HNRNPC: variants seen among roughly 807,000 people sequenced by gnomAD.
HNRNPC encodes the protein heterogeneous nuclear ribonucleoprotein C.
A neutral mutation model predicts 33.2 loss-of-function variants in HNRNPC; 3 were observed. The ratio of observed to expected loss-of-function variants is 0.09; its 90% CI spans 0.04 to 0.23. The LOEUF is 0.23. Ranked by LOEUF, HNRNPC falls within the 10% of genes least tolerant of loss-of-function variation. HNRNPC has a pLI of 1.00. For missense variants in HNRNPC, 143 were observed against 366.7 expected, an observed-to-expected ratio of 0.39 and a Z score of 4.98; for synonymous variants, 121 against 126.7, an observed-to-expected ratio of 0.96 and a Z score of 0.30.
intron 2 of HNRNPC, among the ~76,000 whole-genome samples, chr14:21,249,566 A>G (rs1361211168): frequency 6.7e-6 from 1 of 149,194 alleles, no homozygotes; most frequent in Non-Finnish European, 1.5e-5. Flanking sequence ...AGCCTGGGCA[A>G]CAAGAGCGAA....
intron 4 of HNRNPC, 163 bp downstream of exon 4, chr14:21,230,831 AAAT>A: frequency 1.4e-6 from 1 of 708,094 alleles, no homozygotes; most frequent in Non-Finnish European, 2.2e-6. Context: ...ATTAACACAA[AAAT>A]AATAAAACCT....
At chr14:21,237,248 T>C (rs1326673022) in intron 2 of HNRNPC, among the ~76,000 whole-genome samples, 2 of 152,230 alleles carry the variant, frequency 1.3e-5, no homozygotes, top group African/African-American at 4.8e-5. Context: ...TACTAGCACT[T>C]TCTCACTTTT....
intron 2 of HNRNPC, among the ~76,000 whole-genome samples, chr14:21,256,607 G>A (rs75640188): frequency 0.015 from 2,320 of 152,148 alleles, 37 homozygotes; most frequent in Non-Finnish European, 0.026. Flanking sequence ...ACCAAGTGTC[G>A]ACAGTATGAG....
intron 2 of HNRNPC, among the ~76,000 whole-genome samples, chr14:21,240,968 T>G (rs983900489): frequency 3.9e-5 from 6 of 152,154 alleles, no homozygotes; most frequent in African/African-American, 1.4e-4. Flanking sequence ...CCTTTATTAC[T>G]GTATCTTAAA....
intron 5 of HNRNPC, among the ~76,000 whole-genome samples, chr14:21,220,510 T>C (rs1308288302): frequency 1.3e-5 from 2 of 152,206 alleles, no homozygotes; most frequent in Non-Finnish European, 2.9e-5. Context: ...ATTACAGGCG[T>C]CAGCCACCAC....
chr14:21,220,211 C>G lies in HNRNPC; in HGVS notation c.366-7094G>C, dbSNP rs535974083. ...GTCACGTGATGTCTTTAACCCAACC[C>G]CTTTTCTCTGAGGCCATCTATTTCT... is the stretch of plus-strand genomic sequence containing the variant. On this transcript the variant is annotated intron_variant, in intron 5 of 8. Transcript: ENST00000553300. Among the ~76,000 whole-genome samples the G allele has an allele frequency of 4.5e-4, 68 of 151,720 alleles. 1 individual carries two copies. The highest frequency in any genetic ancestry group is 1.6e-3 in the African/African-American group (67 of 41,440).
chr14:21,232,111 TA>T (rs1157587568), intron 3 of HNRNPC, among the ~76,000 whole-genome samples: 3 of 152,078 alleles, frequency 2.0e-5, no homozygotes, highest in Non-Finnish European at 4.4e-5. Flanking sequence ...GGTTTTCAAA[TA>T]CAATTTGTAA....
intron 2 of HNRNPC, among the ~76,000 whole-genome samples, chr14:21,238,066 C>T (rs1894919315): frequency 6.6e-6 from 1 of 152,178 alleles, no homozygotes. Context: ...CCACTGCACT[C>T]GGCCCTGATC....
chr14:21,259,447 C>A (rs1467920239), intron 2 of HNRNPC, among the ~76,000 whole-genome samples: 1 of 152,188 alleles, frequency 6.6e-6, no homozygotes, highest in Non-Finnish European at 1.5e-5. Flanking sequence ...TAATGATTTT[C>A]AAATAGTACT....
intron 2 of HNRNPC, among the ~76,000 whole-genome samples, chr14:21,253,459 C>T (rs1896884631): frequency 2.6e-5 from 2 of 77,690 alleles, no homozygotes; most frequent in Admixed American, 1.6e-4. Context: ...TAGACTCCAT[C>T]TCAAAAAAAA....
chr14:21,226,565 T>C lies in HNRNPC; in HGVS notation c.365+3754A>G, dbSNP rs546128119. ...CAAAACCAGCGCCTTCAAATGAATA[T>C]TAAAAAGAGGGCCAGGCGTAGTGGT... is the stretch of plus-strand genomic sequence containing the variant. On this transcript the variant is annotated intron_variant, in intron 5 of 8. Transcript: ENST00000553300. Among the ~76,000 whole-genome samples, 10 of 143,608 alleles carry C rather than the reference T, an allele frequency of 7.0e-5. No homozygotes were observed. In the East Asian group the frequency reaches 1.6e-3, roughly 22 times the overall value. 94.2% of individuals were successfully genotyped at this position (143,608 alleles called of 152,430 possible).
At chr14:21,231,299 A>G (rs1894085438) in intron 3 of HNRNPC, 2 of 641,410 alleles carry the variant, frequency 3.1e-6, no homozygotes, top group South Asian at 1.5e-5. Flanking sequence ...ATGCCCAGCT[A>G]ATACAAACTA....
chr14:21,240,630 C>T (rs1895232854), intron 2 of HNRNPC, among the ~76,000 whole-genome samples: 1 of 152,120 alleles, frequency 6.6e-6, no homozygotes, highest in African/African-American at 2.4e-5. Flanking sequence ...TATCTGGGCA[C>T]TGTATGCCAG....
chr14:21,231,228 G>A (rs947844212), intron 3 of HNRNPC, 156 bp from the exon 4 acceptor site: 36 of 722,186 alleles, frequency 5.0e-5, no homozygotes, highest in South Asian at 3.3e-4. Flanking sequence ...TCTACCTCCC[G>A]GTTCAAGCGA....
Position 21,211,720 on chromosome 14 carries a change from C to T in HNRNPC, c.637+90G>A, listed in dbSNP as rs889790418. The T allele has an allele frequency of 4.2e-6, 6 of 1,425,684 alleles. No individual in the cohort carries two copies. In the African/African-American group the frequency reaches 4.2e-5, roughly 10 times the overall value. 88.3% of individuals were successfully genotyped at this position (1,425,684 alleles called of 1,614,324 possible). A position where few individuals can be genotyped will look rare whatever the true frequency, so the allele number is the denominator to read the frequency against. ...ACTCCCCAAGTTTCATATTACATTG[C>T]TTTATATTCCACTATTCCAACATGT... On this transcript the variant is annotated intron_variant, in intron 7 of 8. Coordinates refer to ENST00000553300, the MANE Select transcript of HNRNPC (RefSeq NM_004500.4).
chr14:21,262,108 C>T (rs1038152074), intron 2 of HNRNPC, among the ~76,000 whole-genome samples: 2 of 152,078 alleles, frequency 1.3e-5, no homozygotes, highest in Non-Finnish European at 2.9e-5. Context: ...AAAAAGCCTA[C>T]CTTTTTTCAA....
intron 6 of HNRNPC, among the ~76,000 whole-genome samples, chr14:21,212,612 G>A (rs1006363380): frequency 1.3e-5 from 2 of 151,186 alleles, no homozygotes; most frequent in African/African-American, 2.4e-5. Context: ...GCATGATCTC[G>A]GCTCACTGCA....
chr14:21,220,831 T>TA (rs34492058), intron 5 of HNRNPC, among the ~76,000 whole-genome samples: 45,718 of 147,630 alleles, frequency 0.31, 7,205 homozygotes, highest in Admixed American at 0.38. Flanking sequence ...GGTATTTATT[T>TA]AAAAAAAAAA....
At chr14:21,228,249 G>A (rs943461240) in intron 5 of HNRNPC, among the ~76,000 whole-genome samples, 3 of 152,080 alleles carry the variant, frequency 2.0e-5, no homozygotes, top group Non-Finnish European at 2.9e-5. Flanking sequence ...TAAGCTTGTC[G>A]GAGTTATTTA....
Sources: allele counts gnomAD v4.1 joint callset (sites outside exome capture counted in the v4.1 genomes callset), GRCh38; gene constraint gnomAD v4.1.1; transcripts MANE v1.5; gene names NCBI Gene and HGNC (gene_info 2026-07-23, HGNC 2026-07-21).